The following PCDH15 variants were observed in gnomAD, a reference collection of about 807,000 sequenced individuals.
PCDH15 encodes the protein protocadherin-15.
PCDH15 carries 129 observed loss-of-function variants against 178.5 expected under a neutral mutation model. The ratio of observed to expected loss-of-function variants is 0.72; its 90% CI spans 0.63 to 0.84. PCDH15 has a LOEUF of 0.84. PCDH15 is among the 40% of genes least tolerant of loss of function. The probability of loss-of-function intolerance (pLI) is 0.00; values close to 1 mark genes in which losing one functional copy is unlikely to be tolerated. For synonymous variants in PCDH15, 800 were observed against 732.0 expected (o/e 1.09, Z -1.50); for missense variants, 2,230 against 2,099.9 (o/e 1.06, Z -1.21).
chr10:54,496,823 A>T (rs1418364), intron 3 of PCDH15, among the ~76,000 whole-genome samples: 5,233 of 152,204 alleles, frequency 0.034, 295 homozygotes, highest in African/African-American at 0.12. Context: ...GCAGTCACTT[A>T]TCCATTGCCC....
At chr10:55,092,887 T>C (rs981506515) in intron 2 of PCDH15, among the ~76,000 whole-genome samples, 3 of 151,912 alleles carry the variant, frequency 2.0e-5, no homozygotes, top group African/African-American at 7.2e-5. Context: ...TTAAAAACAT[T>C]CTCATATCTA....
At chr10:55,530,667 A>C (rs955864637) in intron 2 of PCDH15, among the ~76,000 whole-genome samples, 2 of 152,048 alleles carry the variant, frequency 1.3e-5, no homozygotes, top group Non-Finnish European at 2.9e-5. Context: ...TGATAAATAT[A>C]AACATCATTT....
At chr10:54,201,669 C>A (rs1394314143) in intron 10 of PCDH15, among the ~76,000 whole-genome samples, 2 of 151,972 alleles carry the variant, frequency 1.3e-5, no homozygotes, top group Non-Finnish European at 2.9e-5. Context: ...TTTTAATAGG[C>A]TTTAAATATT....
chr10:55,142,397 T>C (rs1838378722), intron 2 of PCDH15, among the ~76,000 whole-genome samples: 1 of 151,668 alleles, frequency 6.6e-6, no homozygotes, highest in Non-Finnish European at 1.5e-5. Context: ...CTACCAAAAT[T>C]GTTAATATGG....
At chr10:54,251,621 G>T (rs2056479071) in intron 8 of PCDH15, among the ~76,000 whole-genome samples, 1 of 152,014 alleles carries the variant, frequency 6.6e-6, no homozygotes, top group Non-Finnish European at 1.5e-5. Flanking sequence ...TCCACCTTTT[G>T]CTGGTCTATA....
At chr10:53,991,174 T>G (rs1025683529) in intron 21 of PCDH15, among the ~76,000 whole-genome samples, 3 of 152,018 alleles carry the variant, frequency 2.0e-5, no homozygotes, top group Non-Finnish European at 1.5e-5. Flanking sequence ...TCCCATCAAC[T>G]GCCCAAGGGC....
At chr10:54,709,942 T>TATATATATATTACATATTTATATGTA (rs2095411447) in intron 1 of PCDH15, among the ~76,000 whole-genome samples, 1 of 114,158 alleles carries the variant, frequency 8.8e-6, no homozygotes, top group Non-Finnish European at 1.9e-5. Context: ...CACCTTTATG[T>TATATATATATTACATATTTATATGTA]ATATATATAT....
intron 6 of PCDH15, among the ~76,000 whole-genome samples, chr10:54,341,486 C>T (rs1281032245): frequency 6.6e-6 from 1 of 152,148 alleles, no homozygotes; most frequent in Non-Finnish European, 1.5e-5. Context: ...GTTAAACCTC[C>T]TTTCTTTGTA....
At chr10:54,062,840 T>C (rs2094059347) in intron 18 of PCDH15, among the ~76,000 whole-genome samples, 1 of 152,110 alleles carries the variant, frequency 6.6e-6, no homozygotes, top group Non-Finnish European at 1.5e-5. Flanking sequence ...TGATGTCTAC[T>C]TGTGTGTTTT....
chr10:54,454,563 A>C (rs958722966), intron 3 of PCDH15, among the ~76,000 whole-genome samples: 11 of 151,728 alleles, frequency 7.2e-5, no homozygotes, highest in Non-Finnish European at 1.2e-4. Context: ...CTGAAATAAT[A>C]TTTTAAGAAT....
rs140799997 is a variant in PCDH15, at chr10:54,012,284, T to C, written c.2751+7908A>G. Among the ~76,000 whole-genome samples the C allele has an allele frequency of 5.0e-3, 761 of 151,934 alleles. 1 individual carries two copies. Among genetic ancestry groups the C allele is most frequent in the Non-Finnish European group, 8.1e-3 (548 of 67,946 alleles). On this transcript the variant is annotated intron_variant, in intron 20 of 37. Coordinates refer to ENST00000644397, the MANE Select transcript of PCDH15 (RefSeq NM_001384140.1). The stretch of plus-strand genomic sequence containing the variant: ...GAATGGACAAAACCCCTGAAACATA[T>C]GGGATTATGTGAAGAGACCAGATCT...
At chr10:53,895,295 A>G (rs1043218723) in intron 26 of PCDH15, among the ~76,000 whole-genome samples, 1 of 152,184 alleles carries the variant, frequency 6.6e-6, no homozygotes, top group Non-Finnish European at 1.5e-5. Flanking sequence ...TATCTACGGC[A>G]TCACTCTGCT....
At position 55,192,323 on chromosome 10, in the gene PCDH15, T is replaced by A. The variant is rs943863711; in HGVS notation, c.-155-25672A>T. ...TATGAGACTATTTATAAAAGAAAGA[T>A]TGATGTTTGGCAGGAAAAAAAATAA... On this transcript the variant is annotated intron_variant, in intron 1 of 5. Coordinates refer to the PCDH15 transcript ENST00000458638. Among the ~76,000 whole-genome samples, 6 of 151,762 alleles carry A rather than the reference T, an allele frequency of 4.0e-5. No individual in the cohort carries two copies. In the South Asian group the frequency reaches 1.2e-3, roughly 32 times the overall value.
intron 9 of PCDH15, among the ~76,000 whole-genome samples, chr10:54,220,825 AAAATAAATAAAT>A (rs10595887): frequency 3.0e-3 from 430 of 143,144 alleles, no homozygotes; most frequent in African/African-American, 7.8e-3. Flanking sequence ...ACTCCGTCTC[AAAATAAATAAAT>A]AAATAAATAA....
At chr10:53,969,150 G>A (rs868378439) in intron 21 of PCDH15, among the ~76,000 whole-genome samples, 3 of 152,176 alleles carry the variant, frequency 2.0e-5, no homozygotes, top group Admixed American at 6.5e-5. Context: ...AAACAGTGTA[G>A]AGAAGACCTT....
At chr10:53,831,186 C>T (rs60621674) in intron 30 of PCDH15, 129 bp downstream of exon 30, 2 of 314,376 alleles carry the variant, frequency 6.4e-6, no homozygotes, top group Middle Eastern at 4.3e-4. Flanking sequence ...ACGAGATAGA[C>T]AGACAGATAA....
intron 2 of PCDH15, among the ~76,000 whole-genome samples, chr10:54,900,005 G>T (rs894073692): frequency 2.0e-5 from 3 of 151,632 alleles, no homozygotes; most frequent in Non-Finnish European, 4.4e-5. Flanking sequence ...TTCTTTATCT[G>T]CCTATGCAAT....
At chr10:55,529,801 T>C (rs1841408666) in intron 2 of PCDH15, among the ~76,000 whole-genome samples, 3 of 134,706 alleles carry the variant, frequency 2.2e-5, no homozygotes, top group African/African-American at 8.2e-5. Flanking sequence ...AATACATATA[T>C]GTTTTTGACA....
chr10:53,892,020 GTTTTTTT>G (rs869122093), intron 26 of PCDH15, among the ~76,000 whole-genome samples: 71 of 91,878 alleles, frequency 7.7e-4, no homozygotes, highest in Admixed American at 6.3e-3. Context: ...TTACATCTAT[GTTTTTTT>G]TTTTTTTTTT....
Sources: allele counts gnomAD v4.1 joint callset (sites outside exome capture counted in the v4.1 genomes callset), GRCh38; gene constraint gnomAD v4.1.1; transcripts MANE v1.5; gene names NCBI Gene and HGNC (gene_info 2026-07-23, HGNC 2026-07-21).